NRP1: variants seen among roughly 807,000 people sequenced by gnomAD.
NRP1 encodes neuropilin-1.
A neutral mutation model predicts 106.7 loss-of-function variants in NRP1; 35 were observed. That is an observed-to-expected ratio of 0.33 (90% CI 0.25 to 0.43). The LOEUF is 0.43. Among genes scored for constraint, NRP1 ranks in the 20% least tolerant of loss-of-function variants. The probability of loss-of-function intolerance (pLI) is 1.00; values close to 1 mark genes in which losing one functional copy is unlikely to be tolerated. For synonymous variants in NRP1, 437 were observed against 417.9 expected, an observed-to-expected ratio of 1.05 and a Z score of -0.56; for missense variants, 1,024 against 1,170.4, an observed-to-expected ratio of 0.87 and a Z score of 1.83.
intron 6 of NRP1, among the ~76,000 whole-genome samples, chr10:33,244,730 T>C (rs1841291199): frequency 6.6e-6 from 1 of 152,170 alleles, no homozygotes; most frequent in Non-Finnish European, 1.5e-5. Flanking sequence ...CTTGATTATA[T>C]TTGAATTAAA....
chr10:33,323,194 G>GC (rs1053048041), intron 2 of NRP1, among the ~76,000 whole-genome samples: 9 of 151,492 alleles, frequency 5.9e-5, no homozygotes, highest in Non-Finnish European at 7.4e-5. Flanking sequence ...ATAGTGAGAA[G>GC]CCCCCCCATC....
chr10:33,318,955 T>A (rs182479516), intron 2 of NRP1, among the ~76,000 whole-genome samples: 2 of 150,878 alleles, frequency 1.3e-5, no homozygotes, highest in East Asian at 4.0e-4. Flanking sequence ...TGAAGCCAAC[T>A]GGACTTCCGG....
intron 11 of NRP1, chr10:33,202,581 AAAATAAT>A: frequency 2.3e-6 from 2 of 871,730 alleles, no homozygotes; most frequent in Non-Finnish European, 3.0e-6. Flanking sequence ...GGGGGGTCTG[AAAATAAT>A]GAAAATAAGG....
intron 2 of NRP1, among the ~76,000 whole-genome samples, chr10:33,328,254 GAC>G (rs1284174880): frequency 2.0e-5 from 3 of 152,070 alleles, no homozygotes; most frequent in Non-Finnish European, 4.4e-5. Context: ...TACCCCACCT[GAC>G]ACCATGATAT....
chr10:33,185,667 T>C lies in NRP1; in HGVS notation c.2392A>G (p.Ile798Val). 6.2e-7 allele frequency: 1 copy of C among 1,614,154 alleles called. No homozygotes were observed. Among genetic ancestry groups the C allele is most frequent in the Non-Finnish European group, 8.5e-7 (1 of 1,180,000 alleles). The change falls in exon 15 of 17, where the codon ATT (isoleucine) becomes GTT (valine). Residue 798 changes from isoleucine (I) to valine (V), a missense_variant. Transcript: ENST00000374867. Reference sequence around the variant, plus strand: ...TGTGAAATGTGGTTATTAATACTAATGTCATCCACAGCAATCCCACCAAGG... The same window carrying C: ...TGTGAAATGTGGTTATTAATACTAACGTCATCCACAGCAATCCCACCAAGG... ...GNLGGIAVDD[I>V]SINNHISQED...
At chr10:33,195,473 T>G (rs977872363) in intron 12 of NRP1, 2 of 532,928 alleles carry the variant, frequency 3.8e-6, no homozygotes, top group African/African-American at 3.9e-5. Flanking sequence ...CAAGATGAAA[T>G]AGTAAGACTC....
intron 2 of NRP1, chr10:33,288,208 A>G (rs1407029750): frequency 6.6e-6 from 1 of 152,198 alleles, no homozygotes; most frequent in Non-Finnish European, 1.5e-5. Context: ...TCAAATAGAA[A>G]GAGGCATGCC....
intron 2 of NRP1, among the ~76,000 whole-genome samples, chr10:33,316,085 G>C (rs1460094636): frequency 6.6e-6 from 1 of 152,194 alleles, no homozygotes; most frequent in Non-Finnish European, 1.5e-5. Flanking sequence ...AAGAAGCACA[G>C]ACCGAGGCAG....
At chr10:33,307,555 C>T (rs1846258449) in intron 2 of NRP1, among the ~76,000 whole-genome samples, 1 of 152,168 alleles carries the variant, frequency 6.6e-6, no homozygotes, top group Admixed American at 6.5e-5. Context: ...TCCCCTACCT[C>T]CATGAATTAT....
At chr10:33,270,886 G>A in intron 2 of NRP1, 30 bp from the exon 3 acceptor site, 1 of 1,542,164 alleles carries the variant, frequency 6.5e-7, no homozygotes, top group South Asian at 1.3e-5. Context: ...GAAAACATTA[G>A]GTTGGTGAGA....
intron 9 of NRP1, among the ~76,000 whole-genome samples, chr10:33,211,098 GTGAAAGT>G (rs2132787663): frequency 6.6e-6 from 1 of 152,314 alleles, no homozygotes; most frequent in South Asian, 2.1e-4. Flanking sequence ...TGAGTATTTT[GTGAAAGT>G]TGAAAGATGT....
chr10:33,318,165 G>T (rs1319534338), intron 2 of NRP1, among the ~76,000 whole-genome samples: 1 of 152,176 alleles, frequency 6.6e-6, no homozygotes, highest in Admixed American at 6.5e-5. Flanking sequence ...AATTAAAGCT[G>T]TGTCTAGGTG....
chr10:33,265,912 G>C (rs1230836181), intron 3 of NRP1, among the ~76,000 whole-genome samples: 1 of 152,100 alleles, frequency 6.6e-6, no homozygotes, highest in Non-Finnish European at 1.5e-5. Context: ...ATGCTAATTT[G>C]AGTCATTTAT....
chr10:33,250,576 A>G (rs567209551), intron 6 of NRP1, among the ~76,000 whole-genome samples: 1 of 152,294 alleles, frequency 6.6e-6, no homozygotes, highest in African/African-American at 2.4e-5. Flanking sequence ...AAGTATATGA[A>G]TGGGAATAAA....
chr10:33,246,205 G>A (rs1185625941), intron 6 of NRP1, among the ~76,000 whole-genome samples: 24 of 146,944 alleles, frequency 1.6e-4, no homozygotes, highest in African/African-American at 5.8e-4. Flanking sequence ...TCTAATGTGT[G>A]CACCTGTTTT....
chr10:33,330,674 C>T (rs1174454444), intron 2 of NRP1, 34 bp downstream of exon 2: 1 of 1,574,840 alleles, frequency 6.3e-7, no homozygotes. Context: ...CTAGATGGTG[C>T]TGTGGTGCCC....
chr10:33,270,876 G>A lies in NRP1; in HGVS notation c.249-20C>T. ...TCATACCTAATACACAAACATGGAA[G>A]AAAACATTAGGTTGGTGAGAAATGC... On this transcript the variant is annotated intron_variant, in intron 2 of 16. Transcript: ENST00000374867. 1 of 1,563,504 alleles carries A rather than the reference G, an allele frequency of 6.4e-7. No homozygotes were observed. The highest frequency in any genetic ancestry group is 8.7e-7 in the Non-Finnish European group (1 of 1,153,194).
chr10:33,238,471 G>T (rs1840752471), intron 6 of NRP1, among the ~76,000 whole-genome samples: 1 of 152,194 alleles, frequency 6.6e-6, no homozygotes, highest in Non-Finnish European at 1.5e-5. Flanking sequence ...ACAAATAAGT[G>T]CTAGGTGCTT....
chr10:33,304,007 A>G (rs149264141), intron 2 of NRP1, among the ~76,000 whole-genome samples: 1 of 152,316 alleles, frequency 6.6e-6, no homozygotes, highest in Non-Finnish European at 1.5e-5. Flanking sequence ...AAATCTTGAG[A>G]ATCTGTTTTT....
Sources: gnomAD v4.1 joint callset for allele counts (sites outside exome capture counted in the v4.1 genomes callset) on GRCh38, gnomAD v4.1.1 for gene constraint, MANE v1.5 for transcripts, NCBI Gene and HGNC (gene_info 2026-07-23, HGNC 2026-07-21) for gene names.